Variants in PLEKHA6 observed in about 807,000 individuals in gnomAD.
PLEKHA6 encodes pleckstrin homology domain containing A6.
A neutral mutation model predicts 116.7 loss-of-function variants in PLEKHA6; 60 were observed. The ratio of observed to expected loss-of-function variants is 0.51; its 90% CI spans 0.42 to 0.64. The LOEUF is 0.64. Ranked by LOEUF, PLEKHA6 falls within the 30% of genes least tolerant of loss-of-function variation. PLEKHA6 has a pLI of 0.00. For synonymous variants in PLEKHA6, 489 were observed against 556.1 expected (o/e 0.88, Z 1.70); for missense variants, 1,338 against 1,422.7 (o/e 0.94, Z 0.96).
At chr1:204,231,859 C>A (rs544149541) in intron 17 of PLEKHA6, among the ~76,000 whole-genome samples, 4 of 152,068 alleles carry the variant, frequency 2.6e-5, no homozygotes, top group Non-Finnish European at 4.4e-5. Flanking sequence ...AGCCACCATG[C>A]CTGGTCTGTA....
intron 13 of PLEKHA6, 99 bp downstream of exon 13, chr1:204,247,266 G>A (rs910451846): frequency 2.9e-6 from 2 of 699,230 alleles, no homozygotes; most frequent in Non-Finnish European, 5.1e-6. Flanking sequence ...GAAACTTAGA[G>A]TCTGTTATCA....
At position 204,223,446 on chromosome 1, in the gene PLEKHA6, G is replaced by T; in HGVS notation, c.*8+16C>A. Reference sequence around the variant, plus strand: ...CCACTCCCGAGGTGGATGAAATACAGTAGAAAAGTGCTTACGTCAGAGCTC... The same window carrying T: ...CCACTCCCGAGGTGGATGAAATACATTAGAAAAGTGCTTACGTCAGAGCTC... On this transcript the variant is annotated intron_variant, in intron 22 of 22. Coordinates refer to ENST00000272203, the MANE Select transcript of PLEKHA6 (RefSeq NM_014935.5). This position sits in a 1 kb window ranked among gnomAD's most constrained non-coding sequence, Gnocchi z 4.8. 1 of 1,371,292 alleles carries T rather than the reference G, an allele frequency of 7.3e-7. No homozygotes were observed. Among genetic ancestry groups the T allele is most frequent in the Non-Finnish European group, 1.0e-6 (1 of 982,076 alleles). The allele number at this position is 1,371,292 out of a possible 1,614,324, so 84.9% of individuals were successfully genotyped here.
chr1:204,349,892 A>C (rs1429311225), intron 1 of PLEKHA6, among the ~76,000 whole-genome samples: 3 of 152,244 alleles, frequency 2.0e-5, no homozygotes, highest in Admixed American at 1.3e-4. Context: ...AAGGGTGAAG[A>C]CTATCTTTAA....
At chr1:204,341,119 G>C (rs1462217749) in intron 1 of PLEKHA6, among the ~76,000 whole-genome samples, 2 of 152,198 alleles carry the variant, frequency 1.3e-5, no homozygotes, top group African/African-American at 4.8e-5. Context: ...CAGGGCTCAG[G>C]CCATAGGACA....
intron 1 of PLEKHA6, among the ~76,000 whole-genome samples, chr1:204,375,931 TC>T (rs1311962766): frequency 6.6e-6 from 1 of 151,214 alleles, no homozygotes; most frequent in East Asian, 1.9e-4. Context: ...CACTCTTGTC[TC>T]TCCTCCAGAA....
chr1:204,328,951 G>A (rs67130756), intron 1 of PLEKHA6, among the ~76,000 whole-genome samples: 6,937 of 152,282 alleles, frequency 0.046, 233 homozygotes, highest in Middle Eastern at 0.099. Context: ...CAACTAGACA[G>A]TGGTGGAGCC....
chr1:204,256,896 AG>A (rs1176841826), intron 9 of PLEKHA6: 1 of 636,988 alleles, frequency 1.6e-6, no homozygotes, highest in Non-Finnish European at 2.8e-6. Flanking sequence ...ATACTGGAAG[AG>A]AAAGGGATCG....
intron 1 of PLEKHA6, among the ~76,000 whole-genome samples, chr1:204,294,603 G>A (rs186059132): frequency 2.8e-4 from 42 of 152,218 alleles, no homozygotes; most frequent in Admixed American, 1.3e-3. Context: ...TAATCCTTTC[G>A]TTTATTTTTA....
chr1:204,370,376 G>C (rs1262506574), intron 2 of PLEKHA6, among the ~76,000 whole-genome samples: 5 of 152,258 alleles, frequency 3.3e-5, no homozygotes, highest in Non-Finnish European at 5.9e-5. Flanking sequence ...GTCCAGTCCG[G>C]TGAAGCGCTG....
At chr1:204,243,093 G>A in intron 15 of PLEKHA6, 1 of 399,166 alleles carries the variant, frequency 2.5e-6, no homozygotes, top group Non-Finnish European at 4.4e-6. Context: ...CCACCCTCCA[G>A]GACCCAAGGG....
intron 21 of PLEKHA6, among the ~76,000 whole-genome samples, chr1:204,224,124 G>C (rs942374003): frequency 6.6e-6 from 1 of 152,064 alleles, no homozygotes; most frequent in Non-Finnish European, 1.5e-5. Context: ...CAAGGGCTCG[G>C]AAACATGTTC....
At position 204,368,172 on chromosome 1, in the gene PLEKHA6, G is replaced by A. The variant is rs551367440; in HGVS notation, c.161-316C>T. ...CAACAAATCTTTACTGAGCATCTAC[G>A]ATGCGCCAGGCCCTGTGCCAGCCCC... On this transcript the variant is annotated intron_variant, in intron 2 of 4. Coordinates refer to the PLEKHA6 transcript ENST00000564627. Among the ~76,000 whole-genome samples the A allele has an allele frequency of 5.2e-4, 79 of 152,248 alleles. 1 individual carries two copies. The South Asian group carries it at 6.2e-3, about 12-fold the overall frequency.
At chr1:204,286,931 CT>C (rs1311279695) in intron 1 of PLEKHA6, among the ~76,000 whole-genome samples, 1 of 152,196 alleles carries the variant, frequency 6.6e-6, no homozygotes, top group South Asian at 2.1e-4. Flanking sequence ...CACCTTCCCC[CT>C]ATTGTGCCTG....
intron 17 of PLEKHA6, among the ~76,000 whole-genome samples, chr1:204,231,372 C>A (rs753000415): frequency 3.9e-5 from 6 of 152,130 alleles, no homozygotes; most frequent in Non-Finnish European, 8.8e-5. Flanking sequence ...TCCCAGGGGA[C>A]TGGTGCTAGG....
At chr1:204,305,717 T>C (rs1178224699) in intron 1 of PLEKHA6, among the ~76,000 whole-genome samples, 1 of 152,214 alleles carries the variant, frequency 6.6e-6, no homozygotes, top group Non-Finnish European at 1.5e-5. Flanking sequence ...ATAAAGATGC[T>C]ATGAATTCTA....
At chr1:204,329,594 G>A (rs148586232) in intron 1 of PLEKHA6, among the ~76,000 whole-genome samples, 21 of 152,306 alleles carry the variant, frequency 1.4e-4, no homozygotes, top group East Asian at 5.8e-4. Flanking sequence ...TGCATACCAC[G>A]AATGGATTCT....
At chr1:204,311,577 A>G in intron 1 of PLEKHA6, 6 of 973,164 alleles carry the variant, frequency 6.2e-6, no homozygotes, top group Non-Finnish European at 7.3e-6. Flanking sequence ...GTAACAAAAA[A>G]AAACTAATGA....
chr1:204,242,286 T>C (rs1287516936), intron 15 of PLEKHA6, among the ~76,000 whole-genome samples: 1 of 152,140 alleles, frequency 6.6e-6, no homozygotes, highest in Non-Finnish European at 1.5e-5. Flanking sequence ...ACCTCAGCCA[T>C]CATCTGAGCC....
At chr1:204,237,143 G>A (rs540269889) in intron 17 of PLEKHA6, among the ~76,000 whole-genome samples, 3 of 152,282 alleles carry the variant, frequency 2.0e-5, no homozygotes, top group South Asian at 4.2e-4. Flanking sequence ...TGGAGGTCAG[G>A]TAATTAATGG....
Sources: allele counts gnomAD v4.1 joint callset (sites outside exome capture counted in the v4.1 genomes callset), GRCh38; gene constraint gnomAD v4.1.1; non-coding constraint Gnocchi (gnomAD v3.1); transcripts MANE v1.5; gene names NCBI Gene and HGNC (gene_info 2026-07-23, HGNC 2026-07-21).